Variants in ANK3 observed in about 807,000 individuals in gnomAD.
The protein encoded by ANK3 is ankyrin 3.
ANK3 carries 57 observed loss-of-function variants against 370.9 expected under a neutral mutation model. The observed-to-expected ratio is 0.15, with a 90% CI of 0.12 to 0.19. The LOEUF is 0.19. Ranked by LOEUF, ANK3 falls within the 10% of genes least tolerant of loss-of-function variation. The pLI is 1.00. For missense variants in ANK3, 4,439 were observed against 5,302.1 expected, an observed-to-expected ratio of 0.84 and a Z score of 5.06; for synonymous variants, 1,929 against 1,946.3, an observed-to-expected ratio of 0.99 and a Z score of 0.23.
chr10:60,192,985 C>A (rs890315231), intron 16 of ANK3, among the ~76,000 whole-genome samples: 6 of 150,426 alleles, frequency 4.0e-5, no homozygotes, highest in African/African-American at 1.5e-4. Flanking sequence ...TTTTTCCTAG[C>A]AGATAAAGCC....
intron 1 of ANK3, among the ~76,000 whole-genome samples, chr10:60,323,421 T>G (rs1475460301): frequency 6.6e-6 from 1 of 152,228 alleles, no homozygotes; most frequent in South Asian, 2.1e-4. Context: ...TATTTACAAC[T>G]GGAAGTCAGG....
chr10:60,241,452 A>C (rs998219422), intron 7 of ANK3, among the ~76,000 whole-genome samples: 2 of 152,104 alleles, frequency 1.3e-5, no homozygotes, highest in Non-Finnish European at 2.9e-5. Flanking sequence ...TTTCTGAAAG[A>C]CCTCTGAGTT....
At chr10:60,623,023 C>G (rs560267790) in intron 1 of ANK3, among the ~76,000 whole-genome samples, 30 of 152,158 alleles carry the variant, frequency 2.0e-4, no homozygotes, top group African/African-American at 4.1e-4. Flanking sequence ...ATTACAGAAA[C>G]TATTCATTTG....
chr10:60,592,520 G>A (rs559739069), intron 2 of ANK3, among the ~76,000 whole-genome samples: 150 of 152,316 alleles, frequency 9.8e-4, no homozygotes, highest in African/African-American at 3.4e-3. Context: ...AGCTCTTTGG[G>A]AGGCCAAGGC....
chr10:60,065,097 G>T (rs967715390), intron 38 of ANK3, among the ~76,000 whole-genome samples: 2 of 152,114 alleles, frequency 1.3e-5, no homozygotes, highest in Non-Finnish European at 2.9e-5. Flanking sequence ...CACACAGGAG[G>T]TTATATGATG....
intron 42 of ANK3, among the ~76,000 whole-genome samples, chr10:60,050,442 T>C (rs553417057): frequency 6.6e-6 from 1 of 152,226 alleles, no homozygotes; most frequent in African/African-American, 2.4e-5. Flanking sequence ...TTAAGAAATT[T>C]TGGACACCTG....
At chr10:60,315,772 G>T (rs2132867349) in intron 1 of ANK3, among the ~76,000 whole-genome samples, 1 of 151,994 alleles carries the variant, frequency 6.6e-6, no homozygotes, top group East Asian at 1.9e-4. Flanking sequence ...GCAATTCATG[G>T]CAGATTTACT....
Position 60,224,863 on chromosome 10 carries a change from C to T in ANK3, c.897+9825G>A, listed in dbSNP as rs186369889. On this transcript the variant is annotated intron_variant, in intron 8 of 43. Transcript: ENST00000280772. ...GTGAAAGATAAACTAAAGGGCATCA[C>T]TTACAGTCTAATAGCTAAGCTCTTT... Among the ~76,000 whole-genome samples the T allele has an allele frequency of 2.4e-3, 363 of 151,800 alleles. 4 individuals are homozygous for T. Among genetic ancestry groups the T allele is most frequent in the Non-Finnish European group, 2.2e-3 (149 of 67,918 alleles).
intron 18 of ANK3, among the ~76,000 whole-genome samples, chr10:60,175,103 T>C (rs779155796): frequency 1.6e-4 from 25 of 152,202 alleles, no homozygotes; most frequent in Non-Finnish European, 2.6e-4. Context: ...TATAATACAG[T>C]GTTAGGAGCT....
chr10:60,691,980 A>T (rs998671028), intron 1 of ANK3, among the ~76,000 whole-genome samples: 4 of 151,834 alleles, frequency 2.6e-5, no homozygotes, highest in Admixed American at 2.6e-4. Flanking sequence ...AAGAATAGAT[A>T]GCCTTAGCTG....
At chr10:60,662,372 T>C (rs1331038178) in intron 1 of ANK3, among the ~76,000 whole-genome samples, 1 of 152,164 alleles carries the variant, frequency 6.6e-6, no homozygotes, top group Admixed American at 6.5e-5. Context: ...ATGGAAATTA[T>C]ATATGAATTC....
intron 43 of ANK3, among the ~76,000 whole-genome samples, chr10:60,042,018 T>TG (rs1412942308): frequency 6.6e-6 from 1 of 152,230 alleles, no homozygotes. Context: ...TCACCCCATA[T>TG]GGCCTAATTG....
chr10:60,239,988 A>T (rs1040154665), intron 7 of ANK3, among the ~76,000 whole-genome samples: 2 of 144,714 alleles, frequency 1.4e-5, no homozygotes, highest in Non-Finnish European at 3.0e-5. Flanking sequence ...TATTGATCCA[A>T]ATATATATGT....
At chr10:60,065,457 C>T (rs1466680109) in intron 38 of ANK3, among the ~76,000 whole-genome samples, 2 of 152,182 alleles carry the variant, frequency 1.3e-5, no homozygotes, top group African/African-American at 2.4e-5. Flanking sequence ...TTACAAAATA[C>T]TTCCAGCAAT....
chr10:60,357,080 A>G (rs117787386), intron 1 of ANK3, among the ~76,000 whole-genome samples: 3,675 of 152,232 alleles, frequency 0.024, 64 homozygotes, highest in Non-Finnish European at 0.037. Context: ...GTCACTGGTG[A>G]TTACATTCCA....
In ANK3 at chr10:60,491,018, A is replaced by AT. The variant is rs2075485228; in HGVS notation, c.96+124167dup. On this transcript the variant is annotated intron_variant, in intron 2 of 43. Coordinates refer to the ANK3 transcript ENST00000373827. ...TTGCCTGTACTGCAACTTAATCTAAATGGAATCATATATTATATACCCTTT... is the reference window on the plus strand; with the variant it reads ...TTGCCTGTACTGCAACTTAATCTAAATTGGAATCATATATTATATACCCTTT... 2.0e-5 allele frequency among the ~76,000 whole-genome samples: 3 copies of AT among 152,208 alleles called. No homozygotes were observed. In the South Asian group the frequency reaches 6.2e-4, roughly 32 times the overall value.
At chr10:60,241,424 A>G (rs991284267) in intron 7 of ANK3, among the ~76,000 whole-genome samples, 5 of 152,192 alleles carry the variant, frequency 3.3e-5, no homozygotes, top group African/African-American at 7.2e-5. Context: ...GTTATAGAAT[A>G]CATTAGCATT....
At chr10:60,106,430 T>G (rs911382703) in intron 27 of ANK3, among the ~76,000 whole-genome samples, 5 of 152,170 alleles carry the variant, frequency 3.3e-5, no homozygotes, top group Non-Finnish European at 7.4e-5. Context: ...ATGCTAATGA[T>G]TTAAAAGGAC....
chr10:60,359,706 G>T (rs2058312987), intron 1 of ANK3, among the ~76,000 whole-genome samples: 1 of 152,168 alleles, frequency 6.6e-6, no homozygotes, highest in South Asian at 2.1e-4. Flanking sequence ...GGAAGCTGAG[G>T]CAGGAGGATC....
Sources: gnomAD v4.1 joint callset for allele counts (sites outside exome capture counted in the v4.1 genomes callset) on GRCh38, gnomAD v4.1.1 for gene constraint, MANE v1.5 for transcripts, NCBI Gene and HGNC (gene_info 2026-07-23, HGNC 2026-07-21) for gene names.